The following HDAC9 variants were observed in gnomAD, a reference collection of about 807,000 sequenced individuals.
The protein encoded by HDAC9 is histone deacetylase 9.
HDAC9 carries 41 observed loss-of-function variants against 139.4 expected under a neutral mutation model. The ratio of observed to expected loss-of-function variants is 0.29; its 90% CI spans 0.23 to 0.38. The LOEUF is 0.38. Among genes scored for constraint, HDAC9 ranks in the 10% least tolerant of loss-of-function variants. The pLI is 1.00. For synonymous variants in HDAC9, 517 were observed against 476.2 expected, an observed-to-expected ratio of 1.09 and a Z score of -1.12; for missense variants, 1,147 against 1,297.0, an observed-to-expected ratio of 0.88 and a Z score of 1.78.
intron 1 of HDAC9, among the ~76,000 whole-genome samples, chr7:18,398,256 G>C (rs1299560212): frequency 6.6e-6 from 1 of 152,050 alleles, no homozygotes; most frequent in Non-Finnish European, 1.5e-5. Context: ...GAAAAACATA[G>C]ACTAGCATGA....
chr7:18,328,498 A>C (rs1043229212), intron 1 of HDAC9, among the ~76,000 whole-genome samples: 1 of 151,898 alleles, frequency 6.6e-6, no homozygotes, highest in African/African-American at 2.4e-5. Context: ...ACGTAAACCC[A>C]CTCTGTGCTA....
chr7:18,524,795 T>G (rs1806258471), intron 2 of HDAC9, among the ~76,000 whole-genome samples: 1 of 150,924 alleles, frequency 6.6e-6, no homozygotes, highest in African/African-American at 2.4e-5. Flanking sequence ...ACCCCTGAGT[T>G]GAAGAGTAGA....
At chr7:18,124,484 A>G (rs1316456726) in intron 1 of HDAC9, among the ~76,000 whole-genome samples, 1 of 152,196 alleles carries the variant, frequency 6.6e-6, no homozygotes, top group Non-Finnish European at 1.5e-5. Flanking sequence ...GCAGTATTTT[A>G]TGCATGGAGG....
At chr7:18,613,484 A>C (rs376994099) in intron 6 of HDAC9, among the ~76,000 whole-genome samples, 3 of 152,180 alleles carry the variant, frequency 2.0e-5, no homozygotes, top group South Asian at 4.1e-4. Flanking sequence ...ACTACCCCTA[A>C]TGTAAGCGTC....
At chr7:18,239,089 T>G (rs749388414) in intron 2 of HDAC9, among the ~76,000 whole-genome samples, 8 of 152,208 alleles carry the variant, frequency 5.3e-5, no homozygotes, top group Admixed American at 3.9e-4. Context: ...GTCTAGTTTG[T>G]CACTATACTT....
intron 8 of HDAC9, among the ~76,000 whole-genome samples, chr7:18,637,475 C>A (rs915884791): frequency 3.3e-5 from 5 of 152,006 alleles, no homozygotes; most frequent in African/African-American, 9.7e-5. Flanking sequence ...TGAACATATT[C>A]TCTCACTGCA....
At chr7:18,173,477 G>A (rs894862293) in intron 2 of HDAC9, among the ~76,000 whole-genome samples, 2 of 152,300 alleles carry the variant, frequency 1.3e-5, no homozygotes, top group African/African-American at 2.4e-5. Flanking sequence ...TGTTATGTGT[G>A]TATTTGATCC....
intron 2 of HDAC9, among the ~76,000 whole-genome samples, chr7:18,282,108 C>T (rs1309437341): frequency 6.6e-6 from 1 of 152,156 alleles, no homozygotes; most frequent in African/African-American, 2.4e-5. Flanking sequence ...CACACACACT[C>T]ACAGAATCAT....
At chr7:18,446,391 G>GA (rs1167977327) in intron 1 of HDAC9, among the ~76,000 whole-genome samples, 1 of 152,192 alleles carries the variant, frequency 6.6e-6, no homozygotes, top group African/African-American at 2.4e-5. Context: ...TTTAAAAGAA[G>GA]AAAGTGTTGA....
chr7:18,685,951 T>C (rs892723664), intron 12 of HDAC9, among the ~76,000 whole-genome samples: 15 of 152,020 alleles, frequency 9.9e-5, no homozygotes, highest in African/African-American at 3.6e-4. Flanking sequence ...GAAAGCTAAT[T>C]AATTGCCAAA....
chr7:18,933,689 G>A (rs1781421912), intron 22 of HDAC9, among the ~76,000 whole-genome samples: 1 of 151,986 alleles, frequency 6.6e-6, no homozygotes, highest in African/African-American at 2.4e-5. Context: ...TGAATCAGCA[G>A]AAACAACAGA....
intron 1 of HDAC9, among the ~76,000 whole-genome samples, chr7:18,135,242 C>A (rs1216417448): frequency 5.8e-5 from 8 of 138,392 alleles, no homozygotes; most frequent in African/African-American, 2.0e-4. Flanking sequence ...TGTTTGTTTG[C>A]AAAAATTTCT....
intron 1 of HDAC9, among the ~76,000 whole-genome samples, chr7:18,479,401 T>C (rs565796874): frequency 6.6e-6 from 1 of 152,320 alleles, no homozygotes; most frequent in African/African-American, 2.4e-5. Context: ...TCTGTAGTGC[T>C]AGTATTGATA....
intron 5 of HDAC9, among the ~76,000 whole-genome samples, chr7:18,593,136 C>T (rs181340383): frequency 1.1e-3 from 172 of 152,056 alleles, no homozygotes; most frequent in Non-Finnish European, 3.4e-4. Flanking sequence ...TATCCTTAAA[C>T]CAATAAAGTC....
At chr7:18,668,213 T>C (rs1795368735) in intron 12 of HDAC9, 1 of 901,120 alleles carries the variant, frequency 1.1e-6, no homozygotes, top group Admixed American at 6.2e-5. Context: ...GTTTAAAAGT[T>C]TTCCACATAA....
intron 12 of HDAC9, among the ~76,000 whole-genome samples, chr7:18,682,501 A>C (rs1781956892): frequency 6.6e-6 from 1 of 152,054 alleles, no homozygotes; most frequent in African/African-American, 2.4e-5. Context: ...TCCATCCAAG[A>C]AAATTTGTTT....
intron 3 of HDAC9, among the ~76,000 whole-genome samples, chr7:18,589,035 A>G (rs1003849952): frequency 6.6e-6 from 1 of 152,142 alleles, no homozygotes; most frequent in Admixed American, 6.6e-5. Context: ...CTGAAGAGAG[A>G]TATTCTCTCT....
chr7:18,722,233 C>T (rs754602072), intron 12 of HDAC9, among the ~76,000 whole-genome samples: 35 of 151,886 alleles, frequency 2.3e-4, no homozygotes, highest in South Asian at 4.2e-4. Flanking sequence ...AAAAGAAAGA[C>T]GAATACTTTG....
At chr7:18,418,136 C>A (rs113451979) in intron 1 of HDAC9, among the ~76,000 whole-genome samples, 1 of 152,090 alleles carries the variant, frequency 6.6e-6, no homozygotes, top group Non-Finnish European at 1.5e-5. Context: ...TCTTGAAAAC[C>A]GTTGCTCAGC....
Sources: allele counts gnomAD v4.1 joint callset (sites outside exome capture counted in the v4.1 genomes callset), GRCh38; gene constraint gnomAD v4.1.1; transcripts MANE v1.5; gene names NCBI Gene and HGNC (gene_info 2026-07-23, HGNC 2026-07-21).